Variants in PHLPP2 observed in about 807,000 individuals in gnomAD.
PHLPP2 encodes PH domain and leucine rich repeat protein phosphatase 2.
Under a neutral mutation model 124.9 loss-of-function variants are expected in PHLPP2, and 66 were observed. That is an observed-to-expected ratio of 0.53 (90% CI 0.43 to 0.65). The LOEUF is 0.65. Ranked by LOEUF, PHLPP2 falls within the 30% of genes least tolerant of loss-of-function variation. The pLI is 0.00. For missense variants in PHLPP2, 1,685 were observed against 1,600.4 expected (o/e 1.05, Z -0.90); for synonymous variants, 681 against 624.7 (o/e 1.09, Z -1.34).
In PHLPP2 at chr16:71,672,256, A is replaced by G; in HGVS notation, c.1532+6T>C. 1.2e-6 allele frequency: 2 copies of G among 1,609,020 alleles called. No individual in the cohort carries two copies. Among genetic ancestry groups the G allele is most frequent in the Non-Finnish European group, 8.5e-7 (1 of 1,175,528 alleles). ...AGCAAGCGCCACCCTCATGAAAGAC[A>G]CTCACCGGGAGAGATCCAAGAAAGT... On this transcript the variant is annotated splice_donor_region_variant and intron_variant, in intron 10 of 18. Coordinates refer to ENST00000568954, the MANE Select transcript of PHLPP2 (RefSeq NM_015020.3).
chr16:71,706,389 T>C (rs2045274427), intron 2 of PHLPP2, among the ~76,000 whole-genome samples: 1 of 152,212 alleles, frequency 6.6e-6, no homozygotes, highest in Non-Finnish European at 1.5e-5. Context: ...AGAGTAAATT[T>C]CATTCCAAGT....
Position 71,649,542 on chromosome 16 carries a change from T to G in PHLPP2, c.3320A>C (p.Asp1107Ala), listed in dbSNP as rs769511431. The change falls in exon 19 of 19, where the codon GAC becomes GCC. Residue 1107 changes from aspartate to alanine, a missense_variant. Coordinates refer to ENST00000568954, the MANE Select transcript of PHLPP2 (RefSeq NM_015020.3). ...CTCTGGCCTCGGAAGCAAGGCAGTG[T>G]CCAGGCCCCCAGCATTATGCTCATC... ...ASDEHNAGGL[D>A]TALLPRPERR... The G allele has an allele frequency of 6.2e-7, 1 of 1,614,144 alleles. No homozygotes were observed. The highest frequency in any genetic ancestry group is 1.7e-5 in the Admixed American group (1 of 60,012).
rs1222402947 is a variant in PHLPP2, at chr16:71,650,044, C to T, written c.2818G>A (p.Asp940Asn). The change falls in exon 19 of 19, where the codon GAC becomes AAC. Residue 940 changes from aspartate (D) to asparagine (N), a missense_variant and splice_region_variant. Coordinates refer to ENST00000568954, the MANE Select transcript of PHLPP2 (RefSeq NM_015020.3). ...CAGGTTACCCCATTCACTTTGTTGT[C>T]CTACAGAAGAGCAGGACACAAATTC... ...VKDQKAIITEDNKVNGVTCCT... is the reference protein window; with the variant it reads ...VKDQKAIITENNKVNGVTCCT... The T allele has an allele frequency of 6.2e-7, 1 of 1,600,052 alleles. No individual in the cohort carries two copies. Among genetic ancestry groups the T allele is most frequent in the Non-Finnish European group, 8.5e-7 (1 of 1,175,822 alleles).
rs187967263 is a variant in PHLPP2, at chr16:71,705,745, C to T, written c.285-3014G>A. On this transcript the variant is annotated intron_variant, in intron 2 of 18. Transcript: ENST00000568954. Reference sequence around the variant, plus strand: ...CAGGCTGCTCTCAAACCCCTGACCTCATGATCTGCCCGCCTTGGCCTCCCA... The same window carrying T: ...CAGGCTGCTCTCAAACCCCTGACCTTATGATCTGCCCGCCTTGGCCTCCCA... Among the ~76,000 whole-genome samples, 214 of 152,284 alleles carry T rather than the reference C, an allele frequency of 1.4e-3. 2 individuals are homozygous for T. The highest frequency in any genetic ancestry group is 4.9e-3 in the African/African-American group (203 of 41,570).
At chr16:71,689,909 T>A (rs1226274827) in intron 4 of PHLPP2, among the ~76,000 whole-genome samples, 1 of 152,216 alleles carries the variant, frequency 6.6e-6, no homozygotes, top group African/African-American at 2.4e-5. Context: ...TGAGGTAATT[T>A]TGTCTGGAAG....
At chr16:71,653,518 C>A (rs1191112421) in intron 17 of PHLPP2, among the ~76,000 whole-genome samples, 1 of 152,130 alleles carries the variant, frequency 6.6e-6, no homozygotes, top group Non-Finnish European at 1.5e-5. Context: ...AGGGAAGGAC[C>A]ATGATTCTTG....
Position 71,649,162 on chromosome 16 carries a change from AG to A in PHLPP2, c.3699del (p.Cys1234AlafsTer15), listed in dbSNP as rs1415879226. 6.2e-7 allele frequency: 1 copy of A among 1,614,198 alleles called. No individual in the cohort carries two copies. Among genetic ancestry groups the A allele is most frequent in the Non-Finnish European group, 8.5e-7 (1 of 1,180,020 alleles). Reference sequence around the variant, plus strand: ...TTGGAGAGTTTCTTCCCATAGAGGCAGGAGGTGGAGGGAGACTTCTGTAACT... The same window carrying A: ...TTGGAGAGTTTCTTCCCATAGAGGCAGAGGTGGAGGGAGACTTCTGTAACT... ...RMELQKSPST[S>X]CLYGKKLSNG... On this transcript the variant is annotated frameshift_variant, in exon 19 of 19. Coordinates refer to ENST00000568954, the MANE Select transcript of PHLPP2 (RefSeq NM_015020.3). LOFTEE classifies it high-confidence loss of function.
chr16:71,704,326 CTT>C (rs2045258142), intron 2 of PHLPP2, among the ~76,000 whole-genome samples: 2 of 120,728 alleles, frequency 1.7e-5, no homozygotes, highest in Admixed American at 8.5e-5. Flanking sequence ...AAAAAAAAAA[CTT>C]AATAATTATA....
chr16:71,693,181 G>A (rs534383827), intron 3 of PHLPP2, among the ~76,000 whole-genome samples: 7 of 152,194 alleles, frequency 4.6e-5, no homozygotes, highest in Non-Finnish European at 8.8e-5. Context: ...CAGCTACTCA[G>A]GAGGCTGAGG....
Position 71,645,431 on chromosome 16 carries a change from C to T in PHLPP2, c.*3459G>A, listed in dbSNP as rs1430756560. The T allele has an allele frequency of 6.6e-6, 1 of 152,628 alleles. No individual in the cohort carries two copies. The highest frequency in any genetic ancestry group is 2.4e-5 in the African/African-American group (1 of 41,442). The allele number at this position is 152,628 out of a possible 1,614,324, so 9.5% of individuals were successfully genotyped here. ...GACAGTCCTATAGTGATGCTGAAGA[C>T]ATCACTGAATGGCTTGGAGACTAAT... is the stretch of plus-strand genomic sequence containing the variant. On this transcript the variant is annotated 3_prime_UTR_variant, in exon 19 of 19. Coordinates refer to ENST00000568954, the MANE Select transcript of PHLPP2 (RefSeq NM_015020.3).
intron 3 of PHLPP2, among the ~76,000 whole-genome samples, chr16:71,698,948 C>T (rs2045201438): frequency 6.6e-6 from 1 of 152,128 alleles, no homozygotes; most frequent in Admixed American, 6.5e-5. Context: ...CGCACTCGGG[C>T]CCTTATGACC....
chr16:71,686,368 C>T (rs936487233), intron 4 of PHLPP2, among the ~76,000 whole-genome samples: 6 of 151,906 alleles, frequency 3.9e-5, no homozygotes, highest in African/African-American at 1.5e-4. Flanking sequence ...AGACAGAGTC[C>T]CATTTATGTT....
chr16:71,702,738 A>G lies in PHLPP2; in HGVS notation c.285-7T>C, dbSNP rs1235090989. The G allele has an allele frequency of 3.2e-6, 5 of 1,564,492 alleles. No homozygotes were observed. Among genetic ancestry groups the G allele is most frequent in the Non-Finnish European group, 3.5e-6 (4 of 1,150,866 alleles). On this transcript the variant is annotated splice_polypyrimidine_tract_variant and splice_region_variant and intron_variant, in intron 2 of 18. Coordinates refer to ENST00000568954, the MANE Select transcript of PHLPP2 (RefSeq NM_015020.3). ...TTCAGTAGGTTCCAGTCTCCTGATT[A>G]CACAATTCAAAAAAATATATATATT...
chr16:71,702,526 T>A, intron 3 of PHLPP2, 72 bp downstream of exon 3: 1 of 1,268,156 alleles, frequency 7.9e-7, no homozygotes, highest in Admixed American at 2.0e-5. Flanking sequence ...TTTAAAAAGC[T>A]GACGGCAGAT....
chr16:71,680,829 T>C (rs1471691881), intron 6 of PHLPP2, among the ~76,000 whole-genome samples: 1 of 152,252 alleles, frequency 6.6e-6, no homozygotes, highest in Admixed American at 6.5e-5. Flanking sequence ...ACTGGACTAA[T>C]TCTTTTTCAT....
chr16:71,683,404 A>T (rs1021774106), intron 5 of PHLPP2, among the ~76,000 whole-genome samples: 3 of 152,228 alleles, frequency 2.0e-5, no homozygotes, highest in Non-Finnish European at 4.4e-5. Context: ...TGTCCCATCA[A>T]TAACTGCACA....
chr16:71,665,152 A>G (rs903744048), intron 12 of PHLPP2, among the ~76,000 whole-genome samples: 1 of 152,094 alleles, frequency 6.6e-6, no homozygotes, highest in Non-Finnish European at 1.5e-5. Context: ...TACTAAAAAT[A>G]CAAAAAAAAA....
chr16:71,684,499 G>A lies in PHLPP2; in HGVS notation c.712C>T (p.Arg238Ter), dbSNP rs751235868. ...ACCTTGGATGCTTGCCGTTGCCATCGCTGGTACTCGGCCAAAGTCTCGAAG... is the reference window on the plus strand; with the variant it reads ...ACCTTGGATGCTTGCCGTTGCCATCACTGGTACTCGGCCAAAGTCTCGAAG... Reference protein sequence around the residue: ...VSFETLAEYQRWQRQASKVVS... With the variant: ...VSFETLAEYQ Residue 238 changes from arginine (R) to a stop codon, truncating the protein, a stop_gained, in exon 5 of 19, where the codon CGA (arginine) becomes TGA (stop). Coordinates refer to ENST00000568954, the MANE Select transcript of PHLPP2 (RefSeq NM_015020.3). LOFTEE classifies it high-confidence loss of function. 6.2e-7 allele frequency: 1 copy of A among 1,613,648 alleles called. No homozygotes were observed. Among genetic ancestry groups the A allele is most frequent in the Non-Finnish European group, 8.5e-7 (1 of 1,179,906 alleles).
chr16:71,687,129 G>A (rs4788827), intron 4 of PHLPP2, among the ~76,000 whole-genome samples: 7 of 151,874 alleles, frequency 4.6e-5, no homozygotes, highest in Non-Finnish European at 1.0e-4. Context: ...GTGGTGTGCC[G>A]TATCTCACTA....
Sources: allele counts gnomAD v4.1 joint callset (sites outside exome capture counted in the v4.1 genomes callset), GRCh38; gene constraint gnomAD v4.1.1; transcripts MANE v1.5; gene names NCBI Gene and HGNC (gene_info 2026-07-23, HGNC 2026-07-21).